Variants in ANO2 observed in about 807,000 individuals in gnomAD.
ANO2 encodes the protein anoctamin-2.
ANO2 carries 101 observed loss-of-function variants against 124.2 expected under a neutral mutation model. That is an observed-to-expected ratio of 0.81 (90% confidence interval 0.69 to 0.96). The LOEUF (loss-of-function observed/expected upper bound fraction) is 0.96, where lower values mean the gene tolerates loss of function less well. Ranked by LOEUF, ANO2 falls within the 40% of genes least tolerant of loss-of-function variation. The probability of loss-of-function intolerance (pLI) is 0.00; values close to 1 mark genes in which losing one functional copy is unlikely to be tolerated. For missense variants in ANO2, 1,293 were observed against 1,274.5 expected (o/e 1.01, Z -0.22); for synonymous variants, 486 against 482.5 (o/e 1.01, Z -0.09).
intron 3 of ANO2, among the ~76,000 whole-genome samples, chr12:5,877,040 G>T (rs937799108): frequency 1.3e-5 from 2 of 152,314 alleles, no homozygotes; most frequent in African/African-American, 4.8e-5. Context: ...AAGAGCAAAT[G>T]GTTATTGAAG....
chr12:5,829,733 C>T (rs544317149), intron 6 of ANO2, among the ~76,000 whole-genome samples: 2 of 152,118 alleles, frequency 1.3e-5, no homozygotes, highest in Non-Finnish European at 2.9e-5. Context: ...ATAAACTGAT[C>T]GGTGAATGAA....
At chr12:5,690,532 T>C (rs1948884541) in intron 14 of ANO2, among the ~76,000 whole-genome samples, 4 of 152,182 alleles carry the variant, frequency 2.6e-5, no homozygotes, top group African/African-American at 7.2e-5. Context: ...GCTCTGGGCC[T>C]GGGCTCTTCT....
intron 3 of ANO2, among the ~76,000 whole-genome samples, chr12:5,905,710 C>G (rs998641875): frequency 2.6e-5 from 4 of 152,174 alleles, no homozygotes; most frequent in Admixed American, 6.5e-5. Context: ...TTGGAATCTG[C>G]CCAATGGCAC....
intron 7 of ANO2, among the ~76,000 whole-genome samples, chr12:5,817,837 T>C (rs906521580): frequency 6.6e-5 from 10 of 152,142 alleles, no homozygotes; most frequent in African/African-American, 2.2e-4. Context: ...GCAAGTCATC[T>C]ATATAGAGAA....
chr12:5,774,663 G>C (rs1399679391), intron 10 of ANO2, among the ~76,000 whole-genome samples: 1 of 152,156 alleles, frequency 6.6e-6, no homozygotes, highest in Non-Finnish European at 1.5e-5. Flanking sequence ...CTGATGCCTT[G>C]TTGGAACCTC....
At chr12:5,614,275 G>A (rs1944684911) in intron 17 of ANO2, among the ~76,000 whole-genome samples, 3 of 152,186 alleles carry the variant, frequency 2.0e-5, no homozygotes, top group African/African-American at 7.2e-5. Context: ...CTCCATAGGA[G>A]TATCTTTGTT....
intron 3 of ANO2, among the ~76,000 whole-genome samples, chr12:5,911,629 A>G (rs1941055194): frequency 6.6e-6 from 1 of 152,242 alleles, no homozygotes; most frequent in Non-Finnish European, 1.5e-5. Flanking sequence ...CACCAAGTAC[A>G]GTCGTACCAG....
intron 14 of ANO2, among the ~76,000 whole-genome samples, chr12:5,663,122 A>G (rs1329149922): frequency 6.6e-6 from 1 of 152,152 alleles, no homozygotes; most frequent in African/African-American, 2.4e-5. Flanking sequence ...TGCCCCACAC[A>G]TGCCTGCCTC....
chr12:5,880,404 G>C (rs1489975219), intron 3 of ANO2, among the ~76,000 whole-genome samples: 3 of 151,032 alleles, frequency 2.0e-5, no homozygotes, highest in African/African-American at 2.4e-5. Flanking sequence ...AGAAAAGTGT[G>C]TGTAAGAAGA....
intron 7 of ANO2, among the ~76,000 whole-genome samples, chr12:5,819,872 G>A (rs1953729022): frequency 6.6e-6 from 1 of 152,184 alleles, no homozygotes; most frequent in Non-Finnish European, 1.5e-5. Flanking sequence ...AACCATCAAA[G>A]GCAAGGTGGG....
chr12:5,828,093 C>T (rs1185089920), intron 6 of ANO2, among the ~76,000 whole-genome samples: 2 of 152,158 alleles, frequency 1.3e-5, no homozygotes, highest in South Asian at 2.1e-4. Flanking sequence ...TAGAAATGGA[C>T]GGCAGTCACA....
At chr12:5,812,040 G>A (rs1953403613) in intron 7 of ANO2, among the ~76,000 whole-genome samples, 1 of 150,648 alleles carries the variant, frequency 6.6e-6, no homozygotes, top group Non-Finnish European at 1.5e-5. Flanking sequence ...AAGAGAGAAA[G>A]GGAAGGGAAG....
At chr12:5,666,460 G>C (rs1947722588) in intron 14 of ANO2, among the ~76,000 whole-genome samples, 1 of 152,110 alleles carries the variant, frequency 6.6e-6, no homozygotes, top group East Asian at 1.9e-4. Flanking sequence ...CCCGAGTCAG[G>C]GCTCACCATC....
intron 3 of ANO2, among the ~76,000 whole-genome samples, chr12:5,886,557 AT>A (rs1938924756): frequency 6.6e-6 from 1 of 152,224 alleles, no homozygotes. Context: ...GCTAGATCTC[AT>A]GTTAAATGTT....
At chr12:5,707,358 T>C (rs60237660) in intron 14 of ANO2, among the ~76,000 whole-genome samples, 21,312 of 152,300 alleles carry the variant, frequency 0.14, 1,573 homozygotes, top group Middle Eastern at 0.23. Flanking sequence ...CAGTTCTTTA[T>C]AGTAGTGTGA....
intron 12 of ANO2, among the ~76,000 whole-genome samples, chr12:5,742,124 C>T (rs1476358152): frequency 6.6e-6 from 1 of 152,140 alleles, no homozygotes; most frequent in Non-Finnish European, 1.5e-5. Context: ...CTCCTGACTC[C>T]ACACCGCCCC....
intron 10 of ANO2, among the ~76,000 whole-genome samples, chr12:5,752,704 T>C (rs1951474431): frequency 1.3e-5 from 2 of 152,230 alleles, no homozygotes; most frequent in Non-Finnish European, 2.9e-5. Flanking sequence ...TTGTTTCCTT[T>C]GCTGTGTAGA....
rs117462523 is a variant in ANO2 at position 5,823,511 on chromosome 12, G to T, written c.892+4258C>A. Among the ~76,000 whole-genome samples the T allele has an allele frequency of 1.0e-2, 1,516 of 152,330 alleles. 11 individuals are homozygous for T. Among genetic ancestry groups the T allele is most frequent in the Middle Eastern group, 0.027 (8 of 294 alleles). On this transcript the variant is annotated intron_variant, in intron 7 of 24. Coordinates refer to ENST00000682330, the MANE Select transcript of ANO2 (RefSeq NM_001364791.2). ...CCAAAATGATCTCCTTTGACTCTGGGTCACGCTGATGCAAGATGTTGGTTC... is the reference window on the plus strand; with the variant it reads ...CCAAAATGATCTCCTTTGACTCTGGTTCACGCTGATGCAAGATGTTGGTTC...
intron 7 of ANO2, among the ~76,000 whole-genome samples, chr12:5,820,839 C>A (rs933467901): frequency 6.6e-6 from 1 of 152,244 alleles, no homozygotes; most frequent in African/African-American, 2.4e-5. Flanking sequence ...AGCTTCTGTA[C>A]CAGATGTGGT....
Sources: gnomAD v4.1 joint callset for allele counts (sites outside exome capture counted in the v4.1 genomes callset) on GRCh38, gnomAD v4.1.1 for gene constraint, MANE v1.5 for transcripts, NCBI Gene and HGNC (gene_info 2026-07-23, HGNC 2026-07-21) for gene names.